TMEM232: variants seen among roughly 807,000 people sequenced by gnomAD.
TMEM232 encodes the protein transmembrane protein 232.
TMEM232 carries 80 observed loss-of-function variants against 78.8 expected under a neutral mutation model. The ratio of observed to expected loss-of-function variants is 1.01; its 90% CI spans 0.85 to 1.22. The LOEUF (loss-of-function observed/expected upper bound fraction) is 1.22. TMEM232 is among the 50% of genes most tolerant of loss of function. The pLI is 0.00. For missense variants in TMEM232, 881 were observed against 742.2 expected (o/e 1.19, Z -2.17); for synonymous variants, 297 against 254.3 (o/e 1.17, Z -1.60).
Position 110,422,991 on chromosome 5 carries a change from G to C in TMEM232, c.1797+1832C>G, listed in dbSNP as rs914004270. Among the ~76,000 whole-genome samples, 6 of 152,132 alleles carry C rather than the reference G, an allele frequency of 3.9e-5. No homozygotes were observed. In the East Asian group the frequency reaches 9.6e-4, roughly 24 times the overall value. ...TCAGTGATTCAATGATCATGCTATG[G>C]AATACTAGCAATGTATAAGGTACCT... On this transcript the variant is annotated intron_variant, in intron 13 of 13. Transcript: ENST00000455884.
At position 110,606,235 on chromosome 5, in the gene TMEM232, T is replaced by C. The variant is rs1169197147; in HGVS notation, c.955A>G (p.Met319Val). Residue 319 changes from methionine (M) to valine (V), a missense_variant, in exon 9 of 14, where the codon ATG becomes GTG. Transcript: ENST00000455884. ...TCCATTAAAGCTTTCAAGCAGGCCA[T>C]GTTTAATTTGGCAGCCTCCCCAAGG... The part of the protein sequence containing the change: ...LVLGEAAKLN[M>V]ACLKALMDVV... The C allele has an allele frequency of 1.3e-6, 2 of 1,543,922 alleles. No individual in the cohort carries two copies. The highest frequency in any genetic ancestry group is 8.8e-7 in the Non-Finnish European group (1 of 1,141,520).
chr5:110,481,712 T>C (rs185184480), intron 12 of TMEM232, among the ~76,000 whole-genome samples: 131 of 152,300 alleles, frequency 8.6e-4, no homozygotes, highest in African/African-American at 2.9e-3. Flanking sequence ...CACTTAGAGC[T>C]AGTGTTTGAG....
intron 12 of TMEM232, among the ~76,000 whole-genome samples, chr5:110,520,152 A>G (rs1293992921): frequency 1.3e-5 from 2 of 151,842 alleles, no homozygotes; most frequent in African/African-American, 4.8e-5. Context: ...TTTCAAAATA[A>G]AAGGGTGGAG....
rs527679531 is a variant in TMEM232 at position 110,651,093 on chromosome 5, G to T, written c.126-8722C>A. On this transcript the variant is annotated intron_variant, in intron 2 of 13. Transcript: ENST00000455884. ...TCTATATTAATTAAATATCTGCTAT[G>T]AGTCAAGCACTCTGCTAGGCAAGAG... Among the ~76,000 whole-genome samples, 4 of 152,236 alleles carry T rather than the reference G, an allele frequency of 2.6e-5. 1 individual carries two copies. The South Asian group carries it at 6.2e-4, about 24-fold the overall frequency.
chr5:110,474,065 G>A (rs941888658), intron 12 of TMEM232, among the ~76,000 whole-genome samples: 1 of 151,504 alleles, frequency 6.6e-6, no homozygotes, highest in Non-Finnish European at 1.5e-5. Context: ...GTAAATTGTG[G>A]TGTTCCATTG....
At chr5:110,440,243 A>G (rs1758882061) in intron 12 of TMEM232, among the ~76,000 whole-genome samples, 1 of 152,106 alleles carries the variant, frequency 6.6e-6, no homozygotes, top group East Asian at 1.9e-4. Context: ...TTCTATTTTT[A>G]ATATGTTGCT....
At chr5:110,649,754 T>C (rs10077259) in intron 2 of TMEM232, among the ~76,000 whole-genome samples, 14,304 of 152,100 alleles carry the variant, frequency 0.094, 803 homozygotes, top group South Asian at 0.2. Flanking sequence ...GCCTATTCTG[T>C]GGCATGCATT....
rs575075503 is a variant in TMEM232 at position 110,552,740 on chromosome 5, A to G, written c.1455+15707T>C. ...TTTTAAATCTTCATACACTTAATGTATATCTGCAAATATATAATTTATCAT... is the reference window on the plus strand; with the variant it reads ...TTTTAAATCTTCATACACTTAATGTGTATCTGCAAATATATAATTTATCAT... On this transcript the variant is annotated intron_variant, in intron 11 of 13. Coordinates refer to ENST00000455884, the MANE Select transcript of TMEM232 (RefSeq NM_001039763.4). 6.2e-4 allele frequency among the ~76,000 whole-genome samples: 95 copies of G among 152,270 alleles called. No homozygotes were observed. The South Asian group carries it at 0.019, about 31-fold the overall frequency.
chr5:110,639,007 C>T (rs149513243), intron 4 of TMEM232, among the ~76,000 whole-genome samples: 3 of 152,240 alleles, frequency 2.0e-5, no homozygotes, highest in African/African-American at 7.2e-5. Flanking sequence ...CAAATCATTA[C>T]AAAAGTTTTG....
At chr5:110,485,200 A>T (rs1764330002) in intron 12 of TMEM232, among the ~76,000 whole-genome samples, 2 of 152,132 alleles carry the variant, frequency 1.3e-5, no homozygotes, top group Admixed American at 1.3e-4. Flanking sequence ...TAAAACAACC[A>T]TGCAGCTAAC....
intron 1 of TMEM232, among the ~76,000 whole-genome samples, chr5:110,721,681 A>ATATATATATATATATATATATATATATC (rs1173373099): frequency 7.8e-6 from 1 of 127,968 alleles, no homozygotes; most frequent in Non-Finnish European, 1.7e-5. Context: ...GTGTATATAT[A>ATATATATATATATATATATATATATATC]TATCTGTGTG....
At chr5:110,583,122 A>G (rs1218341578) in intron 10 of TMEM232, among the ~76,000 whole-genome samples, 1 of 151,980 alleles carries the variant, frequency 6.6e-6, no homozygotes, top group Non-Finnish European at 1.5e-5. Context: ...CAAAATCTCA[A>G]TGGCATTTTA....
intron 10 of TMEM232, among the ~76,000 whole-genome samples, chr5:110,592,046 T>C (rs1298256505): frequency 3.9e-5 from 6 of 152,060 alleles, no homozygotes; most frequent in Non-Finnish European, 2.9e-5. Flanking sequence ...TGTGGAAAAA[T>C]TACTCAGTAA....
rs959180438 is a variant in TMEM232 at position 110,528,758 on chromosome 5, G to T, written c.1533C>A (p.Phe511Leu). 3.9e-6 allele frequency: 6 copies of T among 1,534,054 alleles called. No homozygotes were observed. The highest frequency in any genetic ancestry group is 1.7e-4 in the Middle Eastern group (1 of 5,974). Residue 511 changes from phenylalanine to leucine, a missense_variant, in exon 12 of 14, where the codon TTC (phenylalanine) becomes TTA (leucine). Coordinates refer to ENST00000455884, the MANE Select transcript of TMEM232 (RefSeq NM_001039763.4). ...NISSNVGEEV[F>L]SKYIGWRIAN... ...CAATTCTCCACCCAATATATTTGGA[G>T]AAAACTTCTTCTCCTACATTTGATG...
chr5:110,559,768 C>A (rs1274147423), intron 11 of TMEM232, among the ~76,000 whole-genome samples: 2 of 152,122 alleles, frequency 1.3e-5, no homozygotes, highest in Admixed American at 1.3e-4. Flanking sequence ...TATCATGTCA[C>A]AGTTCTGAGG....
intron 10 of TMEM232, among the ~76,000 whole-genome samples, chr5:110,602,421 A>G (rs1217742261): frequency 1.3e-5 from 2 of 152,134 alleles, no homozygotes; most frequent in Non-Finnish European, 1.5e-5. Flanking sequence ...AATATCCAGA[A>G]TCTACAAGGA....
chr5:110,563,176 G>A (rs996572218), intron 11 of TMEM232, among the ~76,000 whole-genome samples: 1 of 151,894 alleles, frequency 6.6e-6, no homozygotes, highest in African/African-American at 2.4e-5. Flanking sequence ...AATTAGCACT[G>A]GTAGTGGTTA....
At chr5:110,538,071 C>T (rs528471195) in intron 11 of TMEM232, among the ~76,000 whole-genome samples, 8 of 152,156 alleles carry the variant, frequency 5.3e-5, no homozygotes, top group Non-Finnish European at 1.0e-4. Context: ...GGCTAAATTT[C>T]TTGAGGCTTT....
chr5:110,513,482 A>G (rs1352823854), intron 12 of TMEM232, among the ~76,000 whole-genome samples: 3 of 152,112 alleles, frequency 2.0e-5, no homozygotes, highest in Non-Finnish European at 4.4e-5. Context: ...AGAACACCAA[A>G]AAAGGGGAAA....
Sources: allele counts gnomAD v4.1 joint callset (sites outside exome capture counted in the v4.1 genomes callset), GRCh38; gene constraint gnomAD v4.1.1; transcripts MANE v1.5; gene names NCBI Gene and HGNC (gene_info 2026-07-23, HGNC 2026-07-21).